The following NPIPB2 variants were observed in gnomAD, a reference collection of about 807,000 sequenced individuals.
NPIPB2 encodes the protein nuclear pore complex-interacting protein family member B2.
Under a neutral mutation model 30.8 loss-of-function variants are expected in NPIPB2, and 27 were observed. The observed-to-expected ratio is 0.88, with a 90% CI of 0.65 to 1.21. The LOEUF (loss-of-function observed/expected upper bound fraction) is 1.21, where lower values mean the gene tolerates loss of function less well. NPIPB2 is among the 50% of genes most tolerant of loss of function. NPIPB2 has a pLI of 0.00. For missense variants in NPIPB2, 440 were observed against 446.2 expected (o/e 0.99, Z 0.13); for synonymous variants, 147 against 162.0 (o/e 0.91, Z 0.70).
At chr16:11,960,960 AG>A (rs1238076606) in intron 1 of NPIPB2, among the ~76,000 whole-genome samples, 1 of 149,978 alleles carries the variant, frequency 6.7e-6, no homozygotes, top group Non-Finnish European at 1.5e-5. Flanking sequence ...TCTGCCTCCC[AG>A]GTTCAAACGA....
At chr16:11,951,064 G>A (rs916726220) in intron 1 of NPIPB2, among the ~76,000 whole-genome samples, 1 of 151,996 alleles carries the variant, frequency 6.6e-6, no homozygotes, top group South Asian at 2.1e-4. Flanking sequence ...AAATCAATTT[G>A]ACATCTCTCT....
At chr16:11,947,506 C>A (rs879732558) in intron 1 of NPIPB2, among the ~76,000 whole-genome samples, 1 of 151,348 alleles carries the variant, frequency 6.6e-6, no homozygotes, top group African/African-American at 2.4e-5. Flanking sequence ...TGCCACGCCC[C>A]GCTAATTTTT....
chr16:11,936,360 C>A (rs932011920), intron 2 of NPIPB2, among the ~76,000 whole-genome samples: 1 of 151,038 alleles, frequency 6.6e-6, no homozygotes, highest in Non-Finnish European at 1.5e-5. Context: ...ACCGAAAATT[C>A]TCTGTTCAGG....
intron 1 of NPIPB2, among the ~76,000 whole-genome samples, chr16:11,972,545 A>G (rs539372341): frequency 5.3e-5 from 8 of 152,224 alleles, no homozygotes; most frequent in African/African-American, 1.7e-4. Context: ...ACTGCACTCC[A>G]GCATGAGTAA....
At chr16:11,960,723 T>G (rs559892341) in intron 1 of NPIPB2, among the ~76,000 whole-genome samples, 12 of 152,098 alleles carry the variant, frequency 7.9e-5, no homozygotes, top group Non-Finnish European at 1.5e-4. Context: ...CCATCTGGCT[T>G]GCATCAGGGA....
At chr16:11,958,246 C>G (rs966734607) in intron 1 of NPIPB2, among the ~76,000 whole-genome samples, 2 of 151,406 alleles carry the variant, frequency 1.3e-5, no homozygotes, top group African/African-American at 4.8e-5. Context: ...GCCAACATAG[C>G]AAAACCTCAC....
chr16:11,967,568 A>G, intron 1 of NPIPB2: 1 of 1,608,512 alleles, frequency 6.2e-7, no homozygotes, highest in Non-Finnish European at 8.5e-7. Flanking sequence ...CTACATAATT[A>G]GGATCAGGTC....
chr16:11,931,902 C>T (rs1049985295), intron 4 of NPIPB2, among the ~76,000 whole-genome samples: 64 of 152,154 alleles, frequency 4.2e-4, no homozygotes, highest in Non-Finnish European at 8.2e-4. Context: ...ACCCATTTCC[C>T]TGAGTTTCAT....
intron 2 of NPIPB2, among the ~76,000 whole-genome samples, chr16:11,934,396 A>T (rs1366754221): frequency 6.6e-6 from 1 of 151,490 alleles, no homozygotes; most frequent in Non-Finnish European, 1.5e-5. Context: ...TCTGCTAAAA[A>T]TACAAAATTA....
At chr16:11,946,309 C>T (rs940402912), upstream of NPIPB2, among the ~76,000 whole-genome samples, 3 of 146,306 alleles carry the variant, frequency 2.1e-5, no homozygotes, top group Admixed American at 7.0e-5. Flanking sequence ...TGCTTGAACC[C>T]GGGAGGTGGA....
At chr16:11,952,506 T>C (rs1188214099) in intron 1 of NPIPB2, among the ~76,000 whole-genome samples, 1 of 151,982 alleles carries the variant, frequency 6.6e-6, no homozygotes, top group East Asian at 1.9e-4. Flanking sequence ...CTTAACAATA[T>C]TCGATGACTA....
At chr16:11,966,371 A>G (rs750163609) in intron 1 of NPIPB2, 62 of 1,598,132 alleles carry the variant, frequency 3.9e-5, no homozygotes, top group Non-Finnish European at 4.7e-5. Context: ...TTTGAAATCT[A>G]TTTCCAGGGG....
chr16:11,945,179 T>G (rs2054993040), upstream of NPIPB2, among the ~76,000 whole-genome samples: 2 of 151,566 alleles, frequency 1.3e-5, no homozygotes, highest in Admixed American at 1.3e-4. Context: ...AAAGCAAAAC[T>G]CTGTCTGAAA....
upstream of NPIPB2, chr16:11,942,114 C>T: frequency 2.6e-6 from 4 of 1,532,194 alleles, no homozygotes; most frequent in Non-Finnish European, 3.5e-6. Flanking sequence ...TGTCCATCAA[C>T]CTGTATCTCA....
At chr16:11,927,466 C>A (rs762384555) in exon 8 of NPIPB2, 1 of 1,201,902 alleles carries the variant, frequency 8.3e-7, no homozygotes, top group South Asian at 1.3e-5. Flanking sequence ...CCCTCCGCCT[C>A]TTGGGTTCGG....
chr16:11,961,997 C>T (rs1317602906), intron 1 of NPIPB2, among the ~76,000 whole-genome samples: 5 of 151,372 alleles, frequency 3.3e-5, no homozygotes, highest in Admixed American at 1.3e-4. Context: ...CCCAGGAGTT[C>T]AAGACCAGCC....
chr16:11,967,841 T>C (rs779373690), intron 1 of NPIPB2: 1 of 1,613,664 alleles, frequency 6.2e-7, no homozygotes, highest in Admixed American at 1.7e-5. Context: ...CAATTTCTGC[T>C]AGGTAATTAA....
intron 1 of NPIPB2, among the ~76,000 whole-genome samples, chr16:11,963,252 C>T (rs2055167281): frequency 6.6e-6 from 1 of 151,896 alleles, no homozygotes; most frequent in Non-Finnish European, 1.5e-5. Flanking sequence ...TGGTGGCATG[C>T]ACCTGTCATC....
intron 1 of NPIPB2, among the ~76,000 whole-genome samples, chr16:11,963,475 T>C (rs1391266695): frequency 1.3e-5 from 2 of 151,812 alleles, no homozygotes; most frequent in East Asian, 3.9e-4. Flanking sequence ...GGCACACTCC[T>C]TGGGCCTTAA....
Sources: gnomAD v4.1 joint callset for allele counts (sites outside exome capture counted in the v4.1 genomes callset) on GRCh38, gnomAD v4.1.1 for gene constraint, MANE v1.5 for transcripts, NCBI Gene and HGNC (gene_info 2026-07-23, HGNC 2026-07-21) for gene names.